Variants in DMD observed in about 807,000 individuals in gnomAD.
DMD encodes the protein mutant dystrophin.
Under a neutral mutation model 330.1 loss-of-function variants are expected in DMD, and 63 were observed. The observed-to-expected ratio is 0.19, with a 90% CI of 0.16 to 0.24. DMD has a LOEUF of 0.24. Ranked by LOEUF, DMD falls within the 10% of genes least tolerant of loss-of-function variation. DMD has a pLI of 1.00. For missense variants in DMD, 3,344 were observed against 2,684.1 expected (o/e 1.25, Z -5.43); for synonymous variants, 1,223 against 959.8 (o/e 1.27, Z -5.07).
intron 1 of DMD, among the ~76,000 whole-genome samples, chrX:33,170,451 A>G (rs2049279081): frequency 9.0e-6 from 1 of 111,220 alleles, no homozygotes; most frequent in Non-Finnish European, 1.9e-5. Context: ...CTGAAACTGG[A>G]AATTATAGAT....
intron 7 of DMD, among the ~76,000 whole-genome samples, chrX:32,721,705 GTTTA>G (rs1003436189): frequency 5.4e-5 from 6 of 110,894 alleles, no homozygotes; most frequent in African/African-American, 2.0e-4. Context: ...AGTTCCACTA[GTTTA>G]TTTTTGTTTT....
rs777194247 is a variant in DMD, at chrX:32,499,504, A to G, written c.2380+2251T>C. Among the ~76,000 whole-genome samples, 6 of 111,727 alleles carry G rather than the reference A, an allele frequency of 5.4e-5. 1 individual carries two copies. The South Asian group carries it at 1.9e-3, about 35-fold the overall frequency. The stretch of plus-strand genomic sequence containing the variant: ...GTGGTTAAGAGGAACAGCCATTTAC[A>G]TGAGGTCCTAAATGAAGCACACTGA... On this transcript the variant is annotated intron_variant, in intron 19 of 78. Coordinates refer to ENST00000357033, the MANE Select transcript of DMD (RefSeq NM_004006.3).
chrX:32,478,523 T>C (rs750152597), intron 21 of DMD, among the ~76,000 whole-genome samples: 43 of 111,752 alleles, frequency 3.8e-4, no homozygotes, highest in Non-Finnish European at 1.1e-4. Context: ...CCATGCATGA[T>C]ATATGATGAT....
intron 53 of DMD, among the ~76,000 whole-genome samples, chrX:31,673,168 G>A (rs2081901736): frequency 8.9e-6 from 1 of 112,234 alleles, no homozygotes. Context: ...AGCTATTATG[G>A]TTGCAAGGCT....
At chrX:32,205,010 T>TACCCACAC (rs2097059506) in intron 44 of DMD, among the ~76,000 whole-genome samples, 1 of 53,073 alleles carries the variant, frequency 1.9e-5, no homozygotes, top group Non-Finnish European at 3.4e-5. Context: ...CTCTCTCACA[T>TACCCACAC]ACACACACAC....
chrX:33,302,971 A>T (rs912387316), intron 1 of DMD, among the ~76,000 whole-genome samples: 6 of 111,838 alleles, frequency 5.4e-5, no homozygotes, highest in Admixed American at 4.8e-4. Context: ...CTGATCTTTT[A>T]ACTGTCTACA....
At chrX:31,903,155 A>T (rs12006606) in intron 47 of DMD, among the ~76,000 whole-genome samples, 1 of 111,432 alleles carries the variant, frequency 9.0e-6, no homozygotes, top group Non-Finnish European at 1.9e-5. Flanking sequence ...TCTTTAACTT[A>T]AATAGCCAAA....
Position 31,385,770 on chromosome X carries a change from T to C in DMD, c.9085-37136A>G, listed in dbSNP as rs760413953. Among the ~76,000 whole-genome samples the C allele has an allele frequency of 5.3e-5, 6 of 112,434 alleles. No homozygotes were observed. The East Asian group carries it at 1.4e-3, about 26-fold the overall frequency. On this transcript the variant is annotated intron_variant, in intron 60 of 78. Transcript: ENST00000357033. The stretch of plus-strand genomic sequence containing the variant: ...ATGTGGAGAAATAGCACTTTTACAC[T>C]GTTGGTGGGACTGTAAACTAGTTCA...
intron 74 of DMD, among the ~76,000 whole-genome samples, chrX:31,162,111 T>C (rs934811903): frequency 1.8e-5 from 2 of 111,409 alleles, no homozygotes; most frequent in Middle Eastern, 4.6e-3. Flanking sequence ...TAGTTGTTTC[T>C]ATTTTAACTT....
chrX:31,777,087 A>T (rs1422241661), intron 50 of DMD, among the ~76,000 whole-genome samples: 1 of 112,057 alleles, frequency 8.9e-6, no homozygotes, highest in African/African-American at 3.2e-5. Flanking sequence ...TTTGAATCTA[A>T]AGAAAAGTCA....
At chrX:32,767,524 T>A (rs1033422296) in intron 7 of DMD, among the ~76,000 whole-genome samples, 3 of 111,421 alleles carry the variant, frequency 2.7e-5, no homozygotes, top group African/African-American at 9.8e-5. Context: ...CAATTTAGAG[T>A]GTCAGACTAT....
chrX:32,202,013 C>G (rs1277103821), intron 44 of DMD, among the ~76,000 whole-genome samples: 4 of 111,727 alleles, frequency 3.6e-5, no homozygotes, highest in African/African-American at 9.8e-5. Context: ...TTTGGGAACT[C>G]TATAAGAAGC....
rs142927126 is a variant in DMD at position 32,837,767 on chromosome X, A to G, written c.264+7016T>C. Among the ~76,000 whole-genome samples, 676 of 112,098 alleles carry G rather than the reference A, an allele frequency of 6.0e-3. 2 individuals carry two copies. The highest frequency in any genetic ancestry group is 0.02 in the African/African-American group (621 of 30,927). ...CTGAAAATGAAAATGCTTTTGCCCT[A>G]TGAAAGACACCATGTGGATCTACTG... On this transcript the variant is annotated intron_variant, in intron 4 of 78. Coordinates refer to ENST00000357033, the MANE Select transcript of DMD (RefSeq NM_004006.3).
At chrX:32,106,894 C>G (rs17309115) in intron 44 of DMD, among the ~76,000 whole-genome samples, 2,554 of 112,033 alleles carry the variant, frequency 0.023, 32 homozygotes, top group Non-Finnish European at 0.034. Context: ...ATTTATTTTC[C>G]TTTGTGCCAA....
At chrX:32,049,318 G>A (rs908336296) in intron 44 of DMD, among the ~76,000 whole-genome samples, 14 of 111,408 alleles carry the variant, frequency 1.3e-4, no homozygotes, top group African/African-American at 4.6e-4. Context: ...CTTTCAGAAT[G>A]GAAGTTTTAT....
intron 1 of DMD, among the ~76,000 whole-genome samples, chrX:33,240,783 G>T (rs777812324): frequency 2.1e-4 from 23 of 111,784 alleles, no homozygotes; most frequent in Admixed American, 1.7e-3. Context: ...TCTCACTGTG[G>T]ATTTATTTAC....
At chrX:31,380,313 G>C (rs144044102) in intron 60 of DMD, among the ~76,000 whole-genome samples, 2,797 of 110,008 alleles carry the variant, frequency 0.025, 73 homozygotes, top group African/African-American at 0.079. Flanking sequence ...TCCTAGGCTA[G>C]AGCCACACCT....
intron 7 of DMD, among the ~76,000 whole-genome samples, chrX:32,733,383 G>T (rs1163839261): frequency 1.8e-5 from 2 of 109,281 alleles, no homozygotes; most frequent in African/African-American, 6.8e-5. Flanking sequence ...GGATACCCAG[G>T]AATTGAACTC....
intron 30 of DMD, among the ~76,000 whole-genome samples, chrX:32,405,346 T>C (rs897033144): frequency 5.4e-5 from 6 of 111,720 alleles, no homozygotes; most frequent in Admixed American, 4.8e-4. Context: ...ATTTGTTCCA[T>C]GTGTTTCTTT....
Sources: allele counts gnomAD v4.1 joint callset (sites outside exome capture counted in the v4.1 genomes callset), GRCh38; gene constraint gnomAD v4.1.1; transcripts MANE v1.5; gene names NCBI Gene and HGNC (gene_info 2026-07-23, HGNC 2026-07-21).